Variants in AR observed in about 807,000 individuals in gnomAD.
AR encodes androgen receptor.
Under a neutral mutation model 53.9 loss-of-function variants are expected in AR, and 8 were observed. The observed-to-expected ratio is 0.15, with a 90% confidence interval of 0.09 to 0.27. AR has a LOEUF of 0.27. Among genes scored for constraint, AR ranks in the 10% least tolerant of loss-of-function variants. The probability of loss-of-function intolerance (pLI) is 1.00; values close to 1 mark genes in which losing one functional copy is unlikely to be tolerated. For synonymous variants in AR, 359 were observed against 316.4 expected (o/e 1.13, Z -1.43); for missense variants, 639 against 742.5 (o/e 0.86, Z 1.62).
chrX:67,630,692 C>T (rs1456609802), intron 1 of AR, among the ~76,000 whole-genome samples: 1 of 109,500 alleles, frequency 9.1e-6, no homozygotes, highest in South Asian at 4.1e-4. Flanking sequence ...ATGATTTTAG[C>T]TGGTTATTTT....
chrX:67,705,068 G>T (rs1361613114), intron 3 of AR, among the ~76,000 whole-genome samples: 1 of 111,640 alleles, frequency 9.0e-6, no homozygotes, highest in Non-Finnish European at 1.9e-5. Context: ...ATAGTTTGAA[G>T]TCAGGTAGCG....
intron 2 of AR, among the ~76,000 whole-genome samples, chrX:67,654,517 T>C (rs1398113183): frequency 9.0e-6 from 1 of 110,524 alleles, no homozygotes; most frequent in Non-Finnish European, 1.9e-5. Context: ...AGCCAGCACG[T>C]GTTCATTGCC....
intron 3 of AR, chrX:67,694,681 C>A: frequency 1.7e-6 from 2 of 1,154,362 alleles, no homozygotes; most frequent in Middle Eastern, 2.3e-4. Context: ...AGAAAAATTC[C>A]GGGTTGGCAA....
At chrX:67,607,226 T>C (rs1923671329) in intron 1 of AR, among the ~76,000 whole-genome samples, 2 of 110,792 alleles carry the variant, frequency 1.8e-5, no homozygotes, top group African/African-American at 6.6e-5. Flanking sequence ...ACAGGGTTTC[T>C]CCATGTTGGT....
In AR at chrX:67,728,370, C is replaced by T. The variant is rs1287854234; in HGVS notation, c.*4529C>T. ...GAGCTGTTCTTAGCCACTGTGTTTG[C>T]TAGTGCCCATGTTAGCTTATCTGAA... On this transcript the variant is annotated 3_prime_UTR_variant, in exon 8 of 8. Transcript: ENST00000374690. 3 of 155,279 alleles carry T rather than the reference C, an allele frequency of 1.9e-5. No individual in the cohort carries two copies. The highest frequency in any genetic ancestry group is 3.7e-5 in the Non-Finnish European group (3 of 81,681). 12.8% of individuals were successfully genotyped at this position (155,279 alleles called of 1,213,427 possible).
At chrX:67,649,975 T>A in intron 2 of AR, among the ~76,000 whole-genome samples, 1 of 111,716 alleles carries the variant, frequency 9.0e-6, no homozygotes, top group Middle Eastern at 4.6e-3. Context: ...ACAAAGAGAA[T>A]AAAATACCTA....
intron 4 of AR, among the ~76,000 whole-genome samples, chrX:67,714,853 G>A (rs1229143295): frequency 9.0e-6 from 1 of 111,703 alleles, no homozygotes; most frequent in Non-Finnish European, 1.9e-5. Flanking sequence ...AGAGAACAGA[G>A]TCAGGTATTA....
intron 1 of AR, among the ~76,000 whole-genome samples, chrX:67,632,374 A>G (rs1418840748): frequency 1.8e-5 from 2 of 112,432 alleles, no homozygotes; most frequent in African/African-American, 6.5e-5. Context: ...AGAAAAACGC[A>G]GTATTTGGGT....
Position 67,664,974 on chromosome X carries a change from A to G in AR, c.1769-21036A>G, listed in dbSNP as rs9699316. ...GTGAAGACCATTGAAAAAGTGCAGTATTATGGTGGGAGTGACCCGATTTTC... is the reference window on the plus strand; with the variant it reads ...GTGAAGACCATTGAAAAAGTGCAGTGTTATGGTGGGAGTGACCCGATTTTC... On this transcript the variant is annotated intron_variant, in intron 2 of 7. Transcript: ENST00000374690. Among the ~76,000 whole-genome samples, 495 of 112,850 alleles carry G rather than the reference A, an allele frequency of 4.4e-3. 2 individuals are homozygous for G. Among genetic ancestry groups the G allele is most frequent in the African/African-American group, 0.015 (473 of 31,113 alleles).
chrX:67,546,805 A>G (rs1325061440), intron 1 of AR, 43 bp downstream of exon 1: 1 of 1,164,395 alleles, frequency 8.6e-7, no homozygotes, highest in Non-Finnish European at 1.2e-6. Context: ...GGCCCAGGGC[A>G]GAGTCACTCT....
chrX:67,653,993 G>A (rs1313627058), intron 2 of AR, among the ~76,000 whole-genome samples: 8 of 111,725 alleles, frequency 7.2e-5, no homozygotes, highest in Admixed American at 4.8e-4. Context: ...AATAATTTTA[G>A]TAGTAAATCT....
intron 2 of AR, among the ~76,000 whole-genome samples, chrX:67,644,683 G>A (rs1235656843): frequency 1.8e-5 from 2 of 111,442 alleles, no homozygotes; most frequent in Admixed American, 1.9e-4. Flanking sequence ...TTGGCTAGGT[G>A]GCAGAAATAT....
At chrX:67,697,312 G>T (rs1445259656) in intron 3 of AR, among the ~76,000 whole-genome samples, 2 of 111,518 alleles carry the variant, frequency 1.8e-5, no homozygotes, top group Non-Finnish European at 3.8e-5. Context: ...CCTGCTTGGG[G>T]TAAAGGTCAT....
intron 1 of AR, among the ~76,000 whole-genome samples, chrX:67,581,010 T>C (rs1205645307): frequency 8.9e-6 from 1 of 112,259 alleles, no homozygotes; most frequent in Non-Finnish European, 1.9e-5. Context: ...GGGTTGGACG[T>C]GAGAATCATT....
intron 2 of AR, among the ~76,000 whole-genome samples, chrX:67,674,243 A>G (rs1156446309): frequency 3.7e-5 from 4 of 109,172 alleles, no homozygotes; most frequent in Non-Finnish European, 5.7e-5. Flanking sequence ...GGGATGACAC[A>G]ATCACATTTG....
chrX:67,710,868 T>C (rs2076090910), intron 3 of AR, among the ~76,000 whole-genome samples: 3 of 111,758 alleles, frequency 2.7e-5, no homozygotes, highest in Admixed American at 9.5e-5. Context: ...TAAAGCATTT[T>C]CTAAACCCAC....
chrX:67,619,760 C>T (rs1864217947), intron 1 of AR, among the ~76,000 whole-genome samples: 1 of 111,052 alleles, frequency 9.0e-6, no homozygotes, highest in African/African-American at 3.3e-5. Flanking sequence ...TAAACATCAG[C>T]TGTTATTATT....
intron 2 of AR, among the ~76,000 whole-genome samples, chrX:67,666,495 T>G (rs1927269224): frequency 8.9e-6 from 1 of 112,141 alleles, no homozygotes; most frequent in Non-Finnish European, 1.9e-5. Flanking sequence ...AAATATTGAC[T>G]ATTGTGAATA....
chrX:67,595,094 C>T (rs1311271548), intron 1 of AR, among the ~76,000 whole-genome samples: 5 of 111,248 alleles, frequency 4.5e-5, no homozygotes, highest in Admixed American at 9.6e-5. Flanking sequence ...AATCTAGACT[C>T]GAATATGTTT....
Sources: allele counts gnomAD v4.1 joint callset (sites outside exome capture counted in the v4.1 genomes callset), GRCh38; gene constraint gnomAD v4.1.1; transcripts MANE v1.5; gene names NCBI Gene and HGNC (gene_info 2026-07-23, HGNC 2026-07-21).